Variants in PCDH15 observed in about 807,000 individuals in gnomAD.
PCDH15 encodes protocadherin related 15, also known as protocadherin-15.
In PCDH15, 129 loss-of-function variants were observed where a neutral mutation model predicts 178.5. The ratio of observed to expected loss-of-function variants is 0.72; its 90% CI spans 0.63 to 0.84. The LOEUF (loss-of-function observed/expected upper bound fraction) is 0.84, where lower values mean the gene tolerates loss of function less well. Ranked by LOEUF, PCDH15 falls within the 40% of genes least tolerant of loss-of-function variation. The pLI is 0.00. For synonymous variants in PCDH15, 800 were observed against 732.0 expected, an observed-to-expected ratio of 1.09 and a Z score of -1.50; for missense variants, 2,230 against 2,099.9, an observed-to-expected ratio of 1.06 and a Z score of -1.21.
At chr10:54,908,822 G>A (rs371749921) in intron 2 of PCDH15, among the ~76,000 whole-genome samples, 6 of 151,986 alleles carry the variant, frequency 3.9e-5, no homozygotes, top group African/African-American at 9.6e-5. Context: ...GCTCCTTTCC[G>A]TTAGGCAGGT....
intron 15 of PCDH15, among the ~76,000 whole-genome samples, chr10:54,122,296 A>G (rs1344123950): frequency 6.6e-6 from 1 of 152,114 alleles, no homozygotes; most frequent in Non-Finnish European, 1.5e-5. Context: ...ACGCGGAAAA[A>G]GCTTTCAACA....
intron 26 of PCDH15, among the ~76,000 whole-genome samples, chr10:53,871,450 A>ATGTGTG (rs1366132325): frequency 1.7e-5 from 1 of 57,404 alleles, no homozygotes; most frequent in South Asian, 7.9e-4. Context: ...ATATATTCAT[A>ATGTGTG]CGTGTGTGTG....
At chr10:54,746,159 G>T (rs1307033116) in intron 1 of PCDH15, among the ~76,000 whole-genome samples, 2 of 152,120 alleles carry the variant, frequency 1.3e-5, no homozygotes, top group Non-Finnish European at 1.5e-5. Context: ...TTGTGGGGGT[G>T]TCCTATGAAT....
chr10:54,205,481 T>TTGTGTGTGTGTGTGTGTGTGTG lies in PCDH15; in HGVS notation c.1098+8433_1098+8454dup, dbSNP rs71461223. On this transcript the variant is annotated intron_variant, in intron 10 of 37. Transcript: ENST00000644397. Reference sequence around the variant, plus strand: ...AACAGGTTATCAGGTTATATTTCCTTTGTGTGTGTGTGTGTGTGTGTGTGT... The same window carrying TTGTGTGTGTGTGTGTGTGTGTG: ...AACAGGTTATCAGGTTATATTTCCTTTGTGTGTGTGTGTGTGTGTGTGTGTGTGTGTGTGTGTGTGTGTGTGT... 4.7e-3 allele frequency among the ~76,000 whole-genome samples: 634 copies of TTGTGTGTGTGTGTGTGTGTGTG among 135,166 alleles called. 8 individuals are homozygous for TTGTGTGTGTGTGTGTGTGTGTG. The highest frequency in any genetic ancestry group is 8.6e-3 in the South Asian group (35 of 4,066). The allele number at this position is 135,166 out of a possible 152,430, so 88.7% of individuals were successfully genotyped here. A position where few individuals can be genotyped will look rare whatever the true frequency, so the allele number is the denominator to read the frequency against.
At chr10:53,866,446 A>AATAC in intron 27 of PCDH15, among the ~76,000 whole-genome samples, 196 bp downstream of exon 27, 1 of 145,808 alleles carries the variant, frequency 6.9e-6, no homozygotes, top group East Asian at 2.0e-4. Flanking sequence ...TGTTTTTGTA[A>AATAC]ATATATATAT....
At chr10:55,447,231 G>T (rs1839337187) in intron 2 of PCDH15, among the ~76,000 whole-genome samples, 1 of 151,998 alleles carries the variant, frequency 6.6e-6, no homozygotes, top group Non-Finnish European at 1.5e-5. Flanking sequence ...CATAAAGTGA[G>T]AAATCATTAA....
intron 2 of PCDH15, among the ~76,000 whole-genome samples, chr10:55,584,004 A>G (rs11004922): frequency 6.6e-6 from 1 of 151,852 alleles, no homozygotes; most frequent in Non-Finnish European, 1.5e-5. Flanking sequence ...CAGCCTCCCC[A>G]GTAGCTGGGA....
intron 3 of PCDH15, among the ~76,000 whole-genome samples, chr10:54,866,437 G>T: frequency 6.6e-6 from 1 of 152,100 alleles, no homozygotes; most frequent in East Asian, 1.9e-4. Context: ...CTTGGATTTT[G>T]TCATGTTTGC....
chr10:54,593,950 C>T (rs537753223), intron 2 of PCDH15, among the ~76,000 whole-genome samples: 4 of 151,480 alleles, frequency 2.6e-5, no homozygotes, highest in African/African-American at 9.7e-5. Context: ...GACGGGTGTA[C>T]CCCTAGTAAA....
At chr10:53,857,695 T>C (rs2078847016) in intron 27 of PCDH15, among the ~76,000 whole-genome samples, 3 of 152,104 alleles carry the variant, frequency 2.0e-5, no homozygotes, top group Admixed American at 2.0e-4. Flanking sequence ...GTTAGAATAA[T>C]TCATTCTATG....
rs1228759136 is a variant in PCDH15 at position 53,811,460 on chromosome 10, A to T, written c.4562+89T>A. On this transcript the variant is annotated intron_variant, in intron 36 of 37. Coordinates refer to ENST00000644397, the MANE Select transcript of PCDH15 (RefSeq NM_001384140.1). ...TAGTGAGATCGACATGACATTAAAA[A>T]CAAATTCTAGTAATAATAATCATTT... is the stretch of plus-strand genomic sequence containing the variant. 7 of 813,780 alleles carry T rather than the reference A, an allele frequency of 8.6e-6. No individual in the cohort carries two copies. In the South Asian group the frequency reaches 9.3e-5, roughly 11 times the overall value. 50.4% of individuals were successfully genotyped at this position (813,780 alleles called of 1,614,324 possible).
At chr10:54,034,718 T>C (rs2093376907) in intron 18 of PCDH15, among the ~76,000 whole-genome samples, 1 of 151,852 alleles carries the variant, frequency 6.6e-6, no homozygotes, top group Admixed American at 6.6e-5. Flanking sequence ...CCAGCTGCCT[T>C]CCTTCAGATA....
chr10:54,940,337 T>G (rs1402418470), intron 2 of PCDH15, among the ~76,000 whole-genome samples: 2 of 152,154 alleles, frequency 1.3e-5, no homozygotes, highest in Non-Finnish European at 2.9e-5. Flanking sequence ...ATTTGTAAAT[T>G]TTCTCAGTTT....
chr10:54,761,104 C>A (rs148067633), intron 1 of PCDH15, among the ~76,000 whole-genome samples: 1 of 152,152 alleles, frequency 6.6e-6, no homozygotes, highest in East Asian at 1.9e-4. Context: ...GCTTCCTCTA[C>A]GATGGCTTAC....
chr10:54,626,389 T>C (rs1313107923), intron 2 of PCDH15, among the ~76,000 whole-genome samples: 1 of 152,156 alleles, frequency 6.6e-6, no homozygotes, highest in Non-Finnish European at 1.5e-5. Context: ...AATGGTTTCA[T>C]GGGCAGGGCT....
intron 8 of PCDH15, among the ~76,000 whole-genome samples, chr10:54,280,355 C>T (rs2058615233): frequency 6.6e-6 from 1 of 150,862 alleles, no homozygotes. Context: ...CTAACCACAA[C>T]CGGGTGTCTC....
chr10:53,819,776 A>G (rs1203701253), intron 33 of PCDH15, among the ~76,000 whole-genome samples: 1 of 152,016 alleles, frequency 6.6e-6, no homozygotes, highest in Non-Finnish European at 1.5e-5. Flanking sequence ...TTGTGTACTC[A>G]AATAATACTA....
At chr10:54,831,026 A>G (rs1355846150) in intron 3 of PCDH15, among the ~76,000 whole-genome samples, 4 of 152,112 alleles carry the variant, frequency 2.6e-5, no homozygotes, top group African/African-American at 9.6e-5. Flanking sequence ...AAGGGTGATT[A>G]TCCTTATGGA....
chr10:54,046,116 C>A (rs117105650), intron 18 of PCDH15, among the ~76,000 whole-genome samples: 1 of 152,096 alleles, frequency 6.6e-6, no homozygotes, highest in Non-Finnish European at 1.5e-5. Context: ...TAGCAAAATG[C>A]TAATCACGAT....
Sources: gnomAD v4.1 joint callset for allele counts (sites outside exome capture counted in the v4.1 genomes callset) on GRCh38, gnomAD v4.1.1 for gene constraint, MANE v1.5 for transcripts, NCBI Gene and HGNC (gene_info 2026-07-23, HGNC 2026-07-21) for gene names.